The following MBD3 variants were observed in gnomAD, a reference collection of about 807,000 sequenced individuals.
The protein encoded by MBD3 is methyl-CpG binding domain protein 3.
MBD3 carries 13 observed loss-of-function variants against 31.2 expected under a neutral mutation model. The ratio of observed to expected loss-of-function variants is 0.42; its 90% CI spans 0.27 to 0.66. The LOEUF (loss-of-function observed/expected upper bound fraction) is 0.66, where lower values mean the gene tolerates loss of function less well. Among genes scored for constraint, MBD3 ranks in the 30% least tolerant of loss-of-function variants. MBD3 has a pLI of 0.26. For synonymous variants in MBD3, 223 were observed against 187.4 expected (o/e 1.19, Z -1.55); for missense variants, 440 against 426.5 (o/e 1.03, Z -0.28).
At chr19:1,583,185 CAA>C (rs1451236596) in intron 3 of MBD3, 1 of 139,054 alleles carries the variant, frequency 7.2e-6, no homozygotes, top group Non-Finnish European at 1.5e-5. Context: ...GCCTGGACAA[CAA>C]GAGCAAAACT....
At chr19:1,580,917 G>T (rs954531660) in intron 5 of MBD3, among the ~76,000 whole-genome samples, 175 bp downstream of exon 5, 26 of 152,188 alleles carry the variant, frequency 1.7e-4, no homozygotes, top group Non-Finnish European at 1.0e-4. Flanking sequence ...CCAGGACGCG[G>T]GTGAAACGGT....
At chr19:1,590,265 T>C (rs927186665) in intron 1 of MBD3, among the ~76,000 whole-genome samples, 3 of 152,042 alleles carry the variant, frequency 2.0e-5, no homozygotes, top group African/African-American at 7.2e-5. Flanking sequence ...GTCACTGCAC[T>C]GTGGCCTGGG....
rs1295864002 is a variant in MBD3, at chr19:1,577,236, G to A, written c.*928C>T. On this transcript the variant is annotated 3_prime_UTR_variant, in exon 7 of 7. Coordinates refer to ENST00000434436, the MANE Select transcript of MBD3 (RefSeq NM_001281453.2). ...GGCAGGCGTCTGTGGCTTGGAACCT[G>A]CCCTCGCCAAGGCACTGGGGGGTTA... 1.3e-5 allele frequency: 2 copies of A among 152,346 alleles called. No homozygotes were observed. The highest frequency in any genetic ancestry group is 2.9e-5 in the Non-Finnish European group (2 of 68,116). The allele number at this position is 152,346 out of a possible 1,614,324, so 9.4% of individuals were successfully genotyped here.
At position 1,574,921 on chromosome 19, in the gene MBD3, G is replaced by T. The variant is rs1555698768; in HGVS notation, c.*3243C>A. 2 of 308,838 alleles carry T rather than the reference G, an allele frequency of 6.5e-6. No individual in the cohort carries two copies. Among genetic ancestry groups the T allele is most frequent in the Non-Finnish European group, 1.3e-5 (2 of 154,250 alleles). The allele number at this position is 308,838 out of a possible 1,614,324, so 19.1% of individuals were successfully genotyped here. A position where few individuals can be genotyped will look rare whatever the true frequency, so the allele number is the denominator to read the frequency against. On this transcript the variant is annotated 3_prime_UTR_variant, in exon 7 of 7. Coordinates refer to ENST00000434436, the MANE Select transcript of MBD3 (RefSeq NM_001281453.2). ...GGGGCTGCAGGGACAGCAAGGCACGGGCCCTGGGTGTGGCAGGAGAGGCAT... is the reference window on the plus strand; with the variant it reads ...GGGGCTGCAGGGACAGCAAGGCACGTGCCCTGGGTGTGGCAGGAGAGGCAT...
intron 1 of MBD3, among the ~76,000 whole-genome samples, chr19:1,586,761 G>A (rs1243866313): frequency 6.6e-6 from 1 of 150,664 alleles, no homozygotes; most frequent in Non-Finnish European, 1.5e-5. Flanking sequence ...CCACCTCCCA[G>A]GTTCAAGTGA....
rs1272865063 is a variant in MBD3, at chr19:1,584,568, G to A, written c.380C>T (p.Pro127Leu). The A allele has an allele frequency of 2.5e-6, 4 of 1,613,634 alleles. No individual in the cohort carries two copies. The highest frequency in any genetic ancestry group is 4.5e-5 in the East Asian group (2 of 44,876). ...GCGCGGCTGGTCCACCGCCTTCTGC[G>A]GGTCGCTCTTGACCTTGTTGCTGGG... is the stretch of plus-strand genomic sequence containing the variant. ...NHPSNKVKSD[P>L]QKAVDQPRQL... The change falls in exon 3 of 7, where the codon CCG (proline) becomes CTG (leucine). Residue 127 changes from proline to leucine, a missense_variant. By Grantham distance (98) the Pro-to-Leu change is moderately conservative. Coordinates refer to ENST00000434436, the MANE Select transcript of MBD3 (RefSeq NM_001281453.2).
chr19:1,579,426 G>A (rs954026817), intron 5 of MBD3, among the ~76,000 whole-genome samples: 5 of 151,992 alleles, frequency 3.3e-5, no homozygotes, highest in Non-Finnish European at 7.4e-5. Flanking sequence ...GCACTCCAGG[G>A]TGGCCGCTCC....
At chr19:1,580,238 C>T (rs113411453) in intron 5 of MBD3, among the ~76,000 whole-genome samples, 7 of 152,304 alleles carry the variant, frequency 4.6e-5, no homozygotes, top group East Asian at 1.9e-4. Context: ...GTACCACGGC[C>T]GGAGGAGGAT....
intron 3 of MBD3, among the ~76,000 whole-genome samples, chr19:1,584,232 C>T (rs1293582616): frequency 6.6e-6 from 1 of 150,648 alleles, no homozygotes; most frequent in East Asian, 2.0e-4. Flanking sequence ...CAAGAGGGGA[C>T]CGCAGGACTG....
chr19:1,583,270 T>A (rs1302435208), intron 3 of MBD3: 1 of 153,404 alleles, frequency 6.5e-6, no homozygotes, highest in African/African-American at 2.5e-5. Context: ...CCCAGCTACT[T>A]GTGAGGCTGA....
intron 5 of MBD3, 73 bp downstream of exon 5, chr19:1,581,019 C>A (rs1917339921): frequency 6.3e-6 from 10 of 1,576,304 alleles, no homozygotes; most frequent in Non-Finnish European, 8.7e-6. Context: ...CACGCAGGCA[C>A]ACGGGGACAC....
Position 1,576,866 on chromosome 19 carries a change from G to A in MBD3, c.*1298C>T, listed in dbSNP as rs953536254. ...CCCTGGCCCTTGAGCCCGTCCTGAG[G>A]ATTTGTGCTTTGACTCTGACAGGGA... On this transcript the variant is annotated 3_prime_UTR_variant, in exon 7 of 7. Coordinates refer to ENST00000434436, the MANE Select transcript of MBD3 (RefSeq NM_001281453.2). 1 of 152,466 alleles carries A rather than the reference G, an allele frequency of 6.6e-6. No homozygotes were observed. Among genetic ancestry groups the A allele is most frequent in the Admixed American group, 6.5e-5 (1 of 15,310 alleles). The allele number at this position is 152,466 out of a possible 1,614,324, so 9.4% of individuals were successfully genotyped here. A position where few individuals can be genotyped will look rare whatever the true frequency, so the allele number is the denominator to read the frequency against.
rs1325984293 is a variant in MBD3, at chr19:1,581,278, C to A, written c.500-9G>T. Reference sequence around the variant, plus strand: ...GCAGCCAGGTCCCACCCCTGCCAGGCAGTGGACAAACAGCCGCAAGTGGAG... The same window carrying A: ...GCAGCCAGGTCCCACCCCTGCCAGGAAGTGGACAAACAGCCGCAAGTGGAG... On this transcript the variant is annotated splice_polypyrimidine_tract_variant and intron_variant, in intron 4 of 6. Coordinates refer to ENST00000434436, the MANE Select transcript of MBD3 (RefSeq NM_001281453.2). 1 of 1,604,552 alleles carries A rather than the reference C, an allele frequency of 6.2e-7. No homozygotes were observed. The highest frequency in any genetic ancestry group is 8.5e-7 in the Non-Finnish European group (1 of 1,179,700).
rs1023785936 is a variant in MBD3, at chr19:1,580,181, C to T, written c.677+911G>A. 5.9e-5 allele frequency among the ~76,000 whole-genome samples: 9 copies of T among 152,310 alleles called. No homozygotes were observed. In the South Asian group the frequency reaches 1.2e-3, roughly 21 times the overall value. On this transcript the variant is annotated intron_variant, in intron 5 of 6. Transcript: ENST00000434436. ...TTCATTTCGGGAAGTTCTCTGAGCG[C>T]GCAGAGAGTGTAAATGGACCTCAAA... is the stretch of plus-strand genomic sequence containing the variant.
At chr19:1,584,885 G>T in intron 2 of MBD3, 170 bp downstream of exon 2, 1 of 1,108,792 alleles carries the variant, frequency 9.0e-7, no homozygotes, top group Non-Finnish European at 1.3e-6. Context: ...TCCTCGCCAT[G>T]CGCCTTGCGC....
In MBD3 at chr19:1,575,042, G is replaced by A. The variant is rs1017046639; in HGVS notation, c.*3122C>T. On this transcript the variant is annotated 3_prime_UTR_variant, in exon 7 of 7. Coordinates refer to ENST00000434436, the MANE Select transcript of MBD3 (RefSeq NM_001281453.2). ...GGTGCATCCTCGCCACGGGGGTCCT[G>A]AGCCTCTCCTCCCTGGTACCCTCTG... 16 of 364,260 alleles carry A rather than the reference G, an allele frequency of 4.4e-5. No individual in the cohort carries two copies. Among genetic ancestry groups the A allele is most frequent in the Admixed American group, 3.9e-4 (12 of 31,054 alleles). The allele number at this position is 364,260 out of a possible 1,614,324, so 22.6% of individuals were successfully genotyped here. A position where few individuals can be genotyped will look rare whatever the true frequency, so the allele number is the denominator to read the frequency against.
Position 1,578,202 on chromosome 19 carries a change from G to T in MBD3, c.*6-44C>A. 7.2e-7 allele frequency: 1 copy of T among 1,391,534 alleles called. No homozygotes were observed. Among genetic ancestry groups the T allele is most frequent in the East Asian group, 2.3e-5 (1 of 43,350 alleles). 86.2% of individuals were successfully genotyped at this position (1,391,534 alleles called of 1,614,324 possible). ...GCTGGCTTTAGCGACTCCACGGGAC[G>T]GGGACGCTTGGGCTCTTCTAGGGAG... On this transcript the variant is annotated intron_variant, in intron 6 of 6. Transcript: ENST00000434436. The surrounding 1 kb of genome is among the most constrained non-coding windows in gnomAD (Gnocchi z 6.1).
intron 3 of MBD3, 48 bp downstream of exon 3, chr19:1,584,492 G>A (rs2060668078): frequency 1.9e-6 from 3 of 1,607,558 alleles, no homozygotes; most frequent in South Asian, 1.1e-5. Context: ...ACCCACCAAA[G>A]TGAACAACCC....
In MBD3 at chr19:1,589,166, G is replaced by C. The variant is rs192442615; in HGVS notation, c.110+3356C>G. Reference sequence around the variant, plus strand: ...GACCAACATGGTGAAACCCCATCTCGACTAAAAATACAAAAGTAGCCGGGC... The same window carrying C: ...GACCAACATGGTGAAACCCCATCTCCACTAAAAATACAAAAGTAGCCGGGC... On this transcript the variant is annotated intron_variant, in intron 1 of 6. Coordinates refer to ENST00000434436, the MANE Select transcript of MBD3 (RefSeq NM_001281453.2). Among the ~76,000 whole-genome samples, 644 of 142,318 alleles carry C rather than the reference G, an allele frequency of 4.5e-3. 6 individuals carry two copies. Among genetic ancestry groups the C allele is most frequent in the African/African-American group, 0.013 (478 of 38,240 alleles). The allele number at this position is 142,318 out of a possible 152,430, so 93.4% of individuals were successfully genotyped here.
Sources: allele counts gnomAD v4.1 joint callset (sites outside exome capture counted in the v4.1 genomes callset), GRCh38; gene constraint gnomAD v4.1.1; non-coding constraint Gnocchi (gnomAD v3.1); transcripts MANE v1.5; gene names NCBI Gene and HGNC (gene_info 2026-07-23, HGNC 2026-07-21).